RASA3: variants seen among roughly 807,000 people sequenced by gnomAD.
RASA3 encodes the protein ras GTPase-activating protein 3.
RASA3 carries 73 observed loss-of-function variants against 110.0 expected under a neutral mutation model. The observed-to-expected ratio is 0.66, with a 90% CI of 0.55 to 0.81. RASA3 has a LOEUF of 0.81. Ranked by LOEUF, RASA3 falls within the 30% of genes least tolerant of loss-of-function variation. The pLI is 0.00. For synonymous variants in RASA3, 500 were observed against 451.4 expected (o/e 1.11, Z -1.37); for missense variants, 976 against 1,113.2 (o/e 0.88, Z 1.75).
At position 114,115,698 on chromosome 13, in the gene RASA3, G is replaced by A. The variant is rs370033905; in HGVS notation, c.55+16737C>T. 2.6e-5 allele frequency among the ~76,000 whole-genome samples: 4 copies of A among 152,028 alleles called. No individual in the cohort carries two copies. The highest frequency in any genetic ancestry group is 4.4e-5 in the Non-Finnish European group (3 of 68,010). ...TTTACCCTACAAACGCTCTCTAACC[G>A]GTCCAGAGGTCAGAAACAGCCGCAG... On this transcript the variant is annotated intron_variant, in intron 1 of 23. Coordinates refer to ENST00000334062, the MANE Select transcript of RASA3 (RefSeq NM_007368.4). This position sits in a 1 kb window ranked among gnomAD's most constrained non-coding sequence, Gnocchi z 5.0.
At position 114,018,864 on chromosome 13, in the gene RASA3, C is replaced by A; in HGVS notation, c.841G>T (p.Gly281Cys). ...TATACCACGTTCAGCCGCAGGGAGCCCAGGTCGTCTGGCTTTAGGCTCTTG... is the reference window on the plus strand; with the variant it reads ...TATACCACGTTCAGCCGCAGGGAGCACAGGTCGTCTGGCTTTAGGCTCTTG... ...GSKSLKPDDL[G>C]SLRLNVVYTE... The change falls in exon 10 of 24, where the codon GGC (glycine) becomes TGC (cysteine). Residue 281 changes from glycine (G) to cysteine (C), a missense_variant. Gly to Cys is a radical substitution (Grantham distance 159, BLOSUM62 -3). Around this residue, in one of 4 missense-constraint regions of RASA3, gnomAD observed 732 missense variants for 779.7 expected, o/e 0.94. Transcript: ENST00000334062. 6.2e-7 allele frequency: 1 copy of A among 1,613,928 alleles called. No homozygotes were observed. The highest frequency in any genetic ancestry group is 1.7e-5 in the Admixed American group (1 of 60,024).
chr13:113,988,752 T>C (rs1230626665), intron 22 of RASA3, among the ~76,000 whole-genome samples: 2 of 99,128 alleles, frequency 2.0e-5, no homozygotes, highest in African/African-American at 9.2e-5. Flanking sequence ...CACCCATCAC[T>C]CACCCTTTGG....
intron 3 of RASA3, among the ~76,000 whole-genome samples, chr13:114,046,649 G>T (rs1191157648): frequency 2.0e-5 from 3 of 152,190 alleles, no homozygotes; most frequent in African/African-American, 7.2e-5. Context: ...AGGCGTGTCC[G>T]ATGGAAAGCT....
At chr13:114,132,219 T>C (rs571215624) in intron 1 of RASA3, among the ~76,000 whole-genome samples, 1 of 152,230 alleles carries the variant, frequency 6.6e-6, no homozygotes, top group African/African-American at 2.4e-5. Flanking sequence ...GGGAGCCGCG[T>C]TACCCCGGAG....
chr13:114,045,289 T>C (rs1473420266), intron 3 of RASA3, among the ~76,000 whole-genome samples: 2 of 152,240 alleles, frequency 1.3e-5, no homozygotes, highest in African/African-American at 2.4e-5. Flanking sequence ...CCGAACACTC[T>C]GGGCCTCCCT....
intron 1 of RASA3, among the ~76,000 whole-genome samples, chr13:114,118,420 GCTTTTGC>G (rs2080325151): frequency 6.6e-6 from 1 of 152,032 alleles, no homozygotes; most frequent in East Asian, 1.9e-4. Context: ...AAAACTAAAA[GCTTTTGC>G]CTTGCCGTTG....
chr13:114,063,594 G>A (rs1436731069), intron 2 of RASA3, among the ~76,000 whole-genome samples: 3 of 152,188 alleles, frequency 2.0e-5, no homozygotes, highest in African/African-American at 4.8e-5. Flanking sequence ...CTGATAAAAC[G>A]CTGGGGTCAG....
At chr13:114,017,463 A>G (rs2053820025) in intron 11 of RASA3, 112 bp from the exon 12 acceptor site, 5 of 835,554 alleles carry the variant, frequency 6.0e-6, no homozygotes, top group Non-Finnish European at 6.1e-6. Context: ...GTGCACGCCC[A>G]TCAGTCGGCT....
At position 114,020,297 on chromosome 13, in the gene RASA3, G is replaced by C. The variant is rs189346849; in HGVS notation, c.785+1107C>G. Among the ~76,000 whole-genome samples the C allele has an allele frequency of 1.2e-4, 19 of 152,240 alleles. 1 individual carries two copies. The South Asian group carries it at 3.9e-3, about 32-fold the overall frequency. On this transcript the variant is annotated intron_variant, in intron 9 of 23. Transcript: ENST00000334062. ...TCAGGTGGGTGGAGCCTGTGTCTGA[G>C]GCATTAGCCGCCCCCCATCGCCCCA... is the stretch of plus-strand genomic sequence containing the variant.
At position 114,132,473 on chromosome 13, in the gene RASA3, T is replaced by A; in HGVS notation, c.17A>T (p.Glu6Val). ...CACGCTCTGGAAGACCCGGAGCCCC[T>A]CGTCCTCCACCGCCATGCTGCGCGT... Reference protein sequence around the residue: MAVEDEGLRVFQSVKI... With the variant: MAVEDVGLRVFQSVKI... Residue 6 changes from glutamate to valine, a missense_variant, in exon 1 of 24, where the codon GAG becomes GTG. Glu to Val is a moderately radical substitution (Grantham distance 121, BLOSUM62 -2). Around this residue, in one of 4 missense-constraint regions of RASA3, gnomAD observed 732 missense variants for 779.7 expected, o/e 0.94. Coordinates refer to ENST00000334062, the MANE Select transcript of RASA3 (RefSeq NM_007368.4). 1 of 1,507,428 alleles carries A rather than the reference T, an allele frequency of 6.6e-7. No individual in the cohort carries two copies. Among genetic ancestry groups the A allele is most frequent in the Non-Finnish European group, 8.8e-7 (1 of 1,134,140 alleles). 93.4% of individuals were successfully genotyped at this position (1,507,428 alleles called of 1,614,324 possible).
intron 20 of RASA3, among the ~76,000 whole-genome samples, chr13:113,999,351 C>T (rs534211902): frequency 6.6e-5 from 10 of 152,294 alleles, no homozygotes; most frequent in Admixed American, 6.5e-4. Context: ...CACCTTCCGG[C>T]AGGTTCCACC....
chr13:114,036,086 T>C (rs905857112), intron 4 of RASA3: 2 of 152,274 alleles, frequency 1.3e-5, no homozygotes, highest in Non-Finnish European at 2.9e-5. Context: ...GCCTGGTTTA[T>C]AAACGGAGCT....
At chr13:113,998,798 G>C (rs1194279763) in intron 20 of RASA3, among the ~76,000 whole-genome samples, 2 of 152,254 alleles carry the variant, frequency 1.3e-5, no homozygotes, top group Non-Finnish European at 2.9e-5. Context: ...ACAAAGAAAG[G>C]CTGGGAGTGT....
intron 3 of RASA3, among the ~76,000 whole-genome samples, chr13:114,042,010 G>A (rs1019830025): frequency 6.6e-6 from 1 of 152,248 alleles, no homozygotes; most frequent in Non-Finnish European, 1.5e-5. Flanking sequence ...AACAGGCTTA[G>A]TACTTTGGGG....
At position 114,126,877 on chromosome 13, in the gene RASA3, C is replaced by T. The variant is rs146802958; in HGVS notation, c.55+5558G>A. ...CTAAAATCAAAGAATTGTCAAGAAA[C>T]GTGGCCAGCACGCAGTCTCGGGTGT... On this transcript the variant is annotated intron_variant, in intron 1 of 23. Coordinates refer to ENST00000334062, the MANE Select transcript of RASA3 (RefSeq NM_007368.4). 3.8e-3 allele frequency among the ~76,000 whole-genome samples: 580 copies of T among 152,302 alleles called. 3 individuals are homozygous for T. The highest frequency in any genetic ancestry group is 5.9e-3 in the Non-Finnish European group (401 of 68,030).
In RASA3 at chr13:114,007,570, G is replaced by T; in HGVS notation, c.1705C>A (p.Pro569Thr). Residue 569 changes from proline to threonine, a missense_variant, in exon 18 of 24, where the codon CCC becomes ACC. By Grantham distance (38) the Pro-to-Thr change is conservative. Coordinates refer to ENST00000334062, the MANE Select transcript of RASA3 (RefSeq NM_007368.4). ...ACGATGGGCTGCTCAACACTCTTGGGGTCTCTTCTCCCCGAGGACGAAATC... is the reference window on the plus strand; with the variant it reads ...ACGATGGGCTGCTCAACACTCTTGGTGTCTCTTCTCCCCGAGGACGAAATC... The part of the protein sequence containing the change: ...DLISSSGRRD[P>T]KSVEQPIVLK... 6.2e-7 allele frequency: 1 copy of T among 1,613,468 alleles called. No homozygotes were observed. The highest frequency in any genetic ancestry group is 8.5e-7 in the Non-Finnish European group (1 of 1,179,864).
chr13:114,099,000 C>T (rs1332106199), intron 1 of RASA3, among the ~76,000 whole-genome samples: 62 of 112,860 alleles, frequency 5.5e-4, no homozygotes, highest in Admixed American at 1.4e-3. Flanking sequence ...CCCGGCCACC[C>T]GAGCCCCCCA....
At chr13:113,995,678 ATGGGGGCCCGGC>A (rs2053218929) in intron 21 of RASA3, among the ~76,000 whole-genome samples, 1 of 82,442 alleles carries the variant, frequency 1.2e-5, no homozygotes, top group African/African-American at 5.0e-5. Context: ...GACCCAGCTG[ATGGGGGCCCGGC>A]TGATGGGGGG....
At chr13:114,016,351 G>T in intron 12 of RASA3, 80 bp from the exon 13 acceptor site, 1 of 1,082,828 alleles carries the variant, frequency 9.2e-7, no homozygotes, top group Non-Finnish European at 1.4e-6. Flanking sequence ...TCTCAGGCCT[G>T]GCTGAGATGT....
Sources: gnomAD v4.1 joint callset for allele counts (sites outside exome capture counted in the v4.1 genomes callset) on GRCh38, gnomAD v4.1.1 for gene constraint, gnomAD v4.1.1 regional missense constraint, Gnocchi (gnomAD v3.1) non-coding constraint, MANE v1.5 for transcripts, NCBI Gene and HGNC (gene_info 2026-07-23, HGNC 2026-07-21) for gene names.